Variants in ACVR1 observed in about 807,000 individuals in gnomAD.
ACVR1 encodes the protein activin A receptor type 1.
In ACVR1, 38 loss-of-function variants were observed where a neutral mutation model predicts 57.1. The ratio of observed to expected loss-of-function variants is 0.67; its 90% CI spans 0.51 to 0.87. The LOEUF is 0.87. ACVR1 is among the 40% of genes least tolerant of loss of function. The pLI is 0.00. For missense variants in ACVR1, 463 were observed against 638.2 expected (o/e 0.73, Z 2.96); for synonymous variants, 212 against 228.1 (o/e 0.93, Z 0.63).
intron 9 of ACVR1, among the ~76,000 whole-genome samples, chr2:157,750,310 G>A (rs554234424): frequency 1.3e-5 from 2 of 152,328 alleles, no homozygotes; most frequent in South Asian, 2.1e-4. Flanking sequence ...ACAAGGATGA[G>A]TCCATTGCAT....
chr2:157,863,482 T>C lies in ACVR1; in HGVS notation c.-183+12314A>G, dbSNP rs553381035. Among the ~76,000 whole-genome samples the C allele has an allele frequency of 4.1e-3, 610 of 149,218 alleles. 3 individuals carry two copies. The highest frequency in any genetic ancestry group is 0.014 in the African/African-American group (577 of 40,768). On this transcript the variant is annotated intron_variant, in intron 1 of 10. Transcript: ENST00000434821. ...GAGGCCGAGGCCAGCGGATCACCTGTGGTCAGGAGTTCGAGACCAGCCTGG... is the reference window on the plus strand; with the variant it reads ...GAGGCCGAGGCCAGCGGATCACCTGCGGTCAGGAGTTCGAGACCAGCCTGG...
intron 1 of ACVR1, among the ~76,000 whole-genome samples, chr2:157,874,426 C>T (rs1464163720): frequency 6.6e-6 from 1 of 152,206 alleles, no homozygotes; most frequent in Non-Finnish European, 1.5e-5. Flanking sequence ...CACTATGAAG[C>T]TGCATGGCGA....
intron 2 of ACVR1, among the ~76,000 whole-genome samples, chr2:157,807,925 T>C (rs1245109622): frequency 2.7e-5 from 4 of 149,078 alleles, no homozygotes; most frequent in Non-Finnish European, 1.5e-5. Context: ...TTTCTCTCTC[T>C]CTCTCTCTCC....
intron 3 of ACVR1, among the ~76,000 whole-genome samples, chr2:157,792,242 T>C (rs72999432): frequency 0.023 from 3,518 of 152,170 alleles, 133 homozygotes; most frequent in African/African-American, 0.08. Flanking sequence ...ACATCCCATA[T>C]ACATATTCTC....
At chr2:157,769,378 C>T (rs1427856554) in intron 7 of ACVR1, among the ~76,000 whole-genome samples, 1 of 152,150 alleles carries the variant, frequency 6.6e-6, no homozygotes, top group Non-Finnish European at 1.5e-5. Flanking sequence ...AAAGGGAAAG[C>T]TGACAGCTGA....
chr2:157,869,568 T>C (rs1690049929), intron 1 of ACVR1, among the ~76,000 whole-genome samples: 1 of 152,264 alleles, frequency 6.6e-6, no homozygotes, highest in Non-Finnish European at 1.5e-5. Context: ...TTTTAACACC[T>C]GTGCACATGC....
intron 2 of ACVR1, among the ~76,000 whole-genome samples, chr2:157,813,930 T>C (rs1223582062): frequency 6.6e-6 from 1 of 152,154 alleles, no homozygotes; most frequent in Non-Finnish European, 1.5e-5. Context: ...AACCAGGAGA[T>C]AGTAAGTTTT....
At chr2:157,806,721 A>G (rs1687561724) in intron 2 of ACVR1, 1 of 152,210 alleles carries the variant, frequency 6.6e-6, no homozygotes, top group South Asian at 2.1e-4. Context: ...GAAAGGTTAA[A>G]CCGAAGCTAT....
At chr2:157,874,891 T>A (rs555921900) in intron 1 of ACVR1, 1 of 152,154 alleles carries the variant, frequency 6.6e-6, no homozygotes, top group South Asian at 2.1e-4. Flanking sequence ...AAAGCCAAAT[T>A]CATGACAACT....
intron 9 of ACVR1, among the ~76,000 whole-genome samples, chr2:157,742,623 C>T (rs1007164768): frequency 2.0e-5 from 3 of 152,270 alleles, no homozygotes; most frequent in East Asian, 3.9e-4. Flanking sequence ...CATTAGTTTG[C>T]TATATGGCTC....
intron 8 of ACVR1, among the ~76,000 whole-genome samples, chr2:157,764,520 T>G (rs947892526): frequency 2.0e-5 from 3 of 151,874 alleles, no homozygotes; most frequent in Admixed American, 6.6e-5. Flanking sequence ...GATCACACTG[T>G]TATGCAAGTT....
At chr2:157,834,448 A>G (rs1559084701) in intron 1 of ACVR1, among the ~76,000 whole-genome samples, 1 of 152,114 alleles carries the variant, frequency 6.6e-6, no homozygotes, top group Admixed American at 6.5e-5. Context: ...AAGTAGGGGC[A>G]TTCCAGGGTT....
chr2:157,871,799 T>C (rs1244591135), intron 1 of ACVR1, among the ~76,000 whole-genome samples: 2 of 152,340 alleles, frequency 1.3e-5, no homozygotes, highest in South Asian at 2.1e-4. Flanking sequence ...GGTGTATTTG[T>C]GTTAACTCAG....
At chr2:157,778,365 G>A (rs112326242) in intron 4 of ACVR1, 23 bp from the exon 5 acceptor site, 24 of 1,589,526 alleles carry the variant, frequency 1.5e-5, no homozygotes, top group Non-Finnish European at 2.1e-5. Flanking sequence ...GGAAAAGGGG[G>A]AATTAGTTGT....
chr2:157,856,972 G>A (rs769925949), intron 1 of ACVR1, among the ~76,000 whole-genome samples: 5 of 152,134 alleles, frequency 3.3e-5, no homozygotes, highest in Admixed American at 2.6e-4. Context: ...GCTGAGGCAG[G>A]TGGATTGCTT....
intron 7 of ACVR1, among the ~76,000 whole-genome samples, chr2:157,767,911 A>T (rs1431082728): frequency 6.6e-6 from 1 of 152,162 alleles, no homozygotes; most frequent in African/African-American, 2.4e-5. Flanking sequence ...ATAATTATTG[A>T]GTACTACATG....
At chr2:157,740,610 A>G (rs1017013595) in intron 9 of ACVR1, among the ~76,000 whole-genome samples, 1 of 152,240 alleles carries the variant, frequency 6.6e-6, no homozygotes, top group Non-Finnish European at 1.5e-5. Flanking sequence ...TTTTTGGAGT[A>G]ATTTACCTGT....
chr2:157,805,816 TTTTC>T (rs1329978013), intron 2 of ACVR1, among the ~76,000 whole-genome samples: 2 of 36,366 alleles, frequency 5.5e-5, no homozygotes, highest in African/African-American at 7.3e-5. Flanking sequence ...TTTTTTTCTT[TTTTC>T]TTTTTTTTTT....
At chr2:157,738,383 G>T in intron 10 of ACVR1, 57 bp downstream of exon 10, 1 of 1,613,006 alleles carries the variant, frequency 6.2e-7, no homozygotes, top group Non-Finnish European at 8.5e-7. Flanking sequence ...AACTCAAAGG[G>T]AAACAAATAG....
Sources: gnomAD v4.1 joint callset for allele counts (sites outside exome capture counted in the v4.1 genomes callset) on GRCh38, gnomAD v4.1.1 for gene constraint, MANE v1.5 for transcripts, NCBI Gene and HGNC (gene_info 2026-07-23, HGNC 2026-07-21) for gene names.